UNC13D: variants seen among roughly 807,000 people sequenced by gnomAD.
UNC13D encodes protein unc-13 homolog D.
UNC13D carries 115 observed loss-of-function variants against 151.7 expected under a neutral mutation model. The ratio of observed to expected loss-of-function variants is 0.76; its 90% CI spans 0.65 to 0.88. The LOEUF is 0.88. UNC13D is among the 40% of genes least tolerant of loss of function. The pLI is 0.00. For missense variants in UNC13D, 1,369 were observed against 1,438.7 expected (o/e 0.95, Z 0.78); for synonymous variants, 588 against 612.2 (o/e 0.96, Z 0.58).
chr17:75,834,553 T>A (rs1159363440), intron 22 of UNC13D, 22 bp from the exon 23 acceptor site: 10 of 1,607,134 alleles, frequency 6.2e-6, no homozygotes, highest in Non-Finnish European at 8.5e-6. Context: ...ATGCAGAGCT[T>A]CCTGAACTGT....
intron 5 of UNC13D, 117 bp downstream of exon 5, chr17:75,842,740 G>T: frequency 3.2e-6 from 5 of 1,587,022 alleles, no homozygotes; most frequent in Non-Finnish European, 4.3e-6. Context: ...AGCATGGGGG[G>T]CCAGCGCTAC....
chr17:75,831,725 G>A, intron 25 of UNC13D: 1 of 264,354 alleles, frequency 3.8e-6, no homozygotes, highest in Non-Finnish European at 7.5e-6. Flanking sequence ...CACTTTGGGA[G>A]GTCGAGGTGG....
chr17:75,842,784 G>C, intron 5 of UNC13D, 73 bp downstream of exon 5: 2 of 1,603,880 alleles, frequency 1.2e-6, no homozygotes, highest in Non-Finnish European at 1.7e-6. Flanking sequence ...CCCGCCAAGA[G>C]TCCTGGGCCA....
chr17:75,841,830 C>T (rs1356897300), intron 6 of UNC13D, among the ~76,000 whole-genome samples: 1 of 150,750 alleles, frequency 6.6e-6, no homozygotes, highest in Non-Finnish European at 1.5e-5. Context: ...CTCACTGCAA[C>T]CTCCGCCTCC....
At position 75,840,444 on chromosome 17, in the gene UNC13D, C is replaced by T; in HGVS notation, c.753+63G>A. 2 of 1,611,490 alleles carry T rather than the reference C, an allele frequency of 1.2e-6. No individual in the cohort carries two copies. Among genetic ancestry groups the T allele is most frequent in the Admixed American group, 3.3e-5 (2 of 59,996 alleles). On this transcript the variant is annotated intron_variant, in intron 9 of 31. Coordinates refer to ENST00000207549, the MANE Select transcript of UNC13D (RefSeq NM_199242.3). The surrounding 1 kb of genome is among the most constrained non-coding windows in gnomAD (Gnocchi z 4.6). Reference sequence around the variant, plus strand: ...TTTGTGAGGACACAGAGCCTCTCCCCAGAACCCCTCCCAACCCCCTCCCTC... The same window carrying T: ...TTTGTGAGGACACAGAGCCTCTCCCTAGAACCCCTCCCAACCCCCTCCCTC...
In UNC13D at chr17:75,839,879, C is replaced by A; in HGVS notation, c.1015G>T (p.Ala339Ser). The change falls in exon 12 of 32, where the codon GCC becomes TCC. Residue 339 changes from alanine (A) to serine (S), a missense_variant. Coordinates refer to ENST00000207549, the MANE Select transcript of UNC13D (RefSeq NM_199242.3). ...AAGTCGGATAGGTCCTTCTGTGTGG[C>A]GTGCAGAAAGAGGACGGTGGCAGCC... ...PQAATVLFLH[A>S]TQKDLSDFHQ... 3 of 1,613,908 alleles carry A rather than the reference C, an allele frequency of 1.9e-6. No individual in the cohort carries two copies. The highest frequency in any genetic ancestry group is 2.5e-6 in the Non-Finnish European group (3 of 1,180,008).
At position 75,832,910 on chromosome 17, in the gene UNC13D, C is replaced by T. The variant is rs988603711; in HGVS notation, c.2447+56G>A. The T allele has an allele frequency of 7.9e-6, 12 of 1,512,612 alleles. No homozygotes were observed. The highest frequency in any genetic ancestry group is 1.1e-5 in the Non-Finnish European group (12 of 1,112,630). The allele number at this position is 1,512,612 out of a possible 1,614,324, so 93.7% of individuals were successfully genotyped here. ...GATGCTGGGGCCCAGGAAGGAGGGG[C>T]CGTGGGAGGAGAGGGGGAGGTGGCG... On this transcript the variant is annotated intron_variant, in intron 25 of 31. Coordinates refer to ENST00000207549, the MANE Select transcript of UNC13D (RefSeq NM_199242.3). This position sits in a 1 kb window ranked among gnomAD's most constrained non-coding sequence, Gnocchi z 4.3.
rs777308467 is a variant in UNC13D at position 75,840,359 on chromosome 17, C to T, written c.754-30G>A. On this transcript the variant is annotated intron_variant, in intron 9 of 31. Coordinates refer to ENST00000207549, the MANE Select transcript of UNC13D (RefSeq NM_199242.3). The surrounding 1 kb of genome is among the most constrained non-coding windows in gnomAD (Gnocchi z 4.6). ...CAGGCGGGGATGCCCAGCCCGTGAGCGTCAGAACCTCATAGAGTCGGGGCA... is the reference window on the plus strand; with the variant it reads ...CAGGCGGGGATGCCCAGCCCGTGAGTGTCAGAACCTCATAGAGTCGGGGCA... 3.7e-6 allele frequency: 6 copies of T among 1,611,002 alleles called. No individual in the cohort carries two copies. Among genetic ancestry groups the T allele is most frequent in the East Asian group, 4.5e-5 (2 of 44,850 alleles).
rs1241471619 is a variant in UNC13D at position 75,831,086 on chromosome 17, C to T, written c.2625+12G>A. On this transcript the variant is annotated intron_variant, in intron 27 of 31. Coordinates refer to ENST00000207549, the MANE Select transcript of UNC13D (RefSeq NM_199242.3). ...CAGACTTCCTACGGGGAAGCTCACC[C>T]AAAGCCCCTACCTGGAAGGTGGCAG... is the stretch of plus-strand genomic sequence containing the variant. 6.2e-7 allele frequency: 1 copy of T among 1,613,768 alleles called. No individual in the cohort carries two copies. Among genetic ancestry groups the T allele is most frequent in the Non-Finnish European group, 8.5e-7 (1 of 1,180,020 alleles).
At chr17:75,836,163 C>T (rs376523516) in intron 16 of UNC13D, 37 bp downstream of exon 16, 46 of 1,611,460 alleles carry the variant, frequency 2.9e-5, no homozygotes, top group African/African-American at 9.3e-5. Flanking sequence ...CACCACCCCC[C>T]GTGACCCCCT....
chr17:75,842,682 C>T lies in UNC13D; in HGVS notation c.389-69G>A, dbSNP rs2064957740. 39 of 1,606,662 alleles carry T rather than the reference C, an allele frequency of 2.4e-5. No individual in the cohort carries two copies. In the South Asian group the frequency reaches 3.1e-4, roughly 13 times the overall value. ...GGTCCCTGGGAGAGGCCCTCATCAC[C>T]CCCGCCCGGGGCTGAGCCTCCTCCG... is the stretch of plus-strand genomic sequence containing the variant. On this transcript the variant is annotated intron_variant, in intron 5 of 31. Coordinates refer to ENST00000207549, the MANE Select transcript of UNC13D (RefSeq NM_199242.3).
At position 75,828,945 on chromosome 17, in the gene UNC13D, C is replaced by A. The variant is rs1567816087; in HGVS notation, c.2993G>T (p.Cys998Phe). ...GTAGTCCAGCACGGTGAGCAGGAGG[C>A]ATGCCCCAGCCTTGCGGCACGGCTC... is the stretch of plus-strand genomic sequence containing the variant. Reference protein sequence around the residue: ...PAEPCRKAGACLLLTVLDYDT... With the variant: ...PAEPCRKAGAFLLLTVLDYDT... Residue 998 changes from cysteine to phenylalanine, a missense_variant, in exon 31 of 32, where the codon TGC (cysteine) becomes TTC (phenylalanine). Coordinates refer to ENST00000207549, the MANE Select transcript of UNC13D (RefSeq NM_199242.3). 6.2e-7 allele frequency: 1 copy of A among 1,605,918 alleles called. No homozygotes were observed. Among genetic ancestry groups the A allele is most frequent in the Non-Finnish European group, 8.5e-7 (1 of 1,179,652 alleles).
rs1047820037 is a variant in UNC13D at position 75,840,021 on chromosome 17, G to A, written c.948C>T (p.His316=). 30 of 1,613,460 alleles carry A rather than the reference G, an allele frequency of 1.9e-5. No individual in the cohort carries two copies. The highest frequency in any genetic ancestry group is 3.3e-5 in the Admixed American group (2 of 59,992). The change falls in exon 11 of 32, where the codon CAC becomes CAT. Residue 316 remains histidine (H), a synonymous_variant. Coordinates refer to ENST00000207549, the MANE Select transcript of UNC13D (RefSeq NM_199242.3). This position sits in a 1 kb window ranked among gnomAD's most constrained non-coding sequence, Gnocchi z 4.6. ...QQLVSHEVTQ[H]EAGSTSWDGS... is the part of the protein sequence containing the mutation. ...CCCAGCCCCAGGAGGGCAATACCTC[G>A]TGCTGGGTGACCTCGTGGGACACAA...
intron 30 of UNC13D, chr17:75,829,736 A>G (rs929253092): frequency 7.8e-6 from 3 of 382,676 alleles, no homozygotes; most frequent in Non-Finnish European, 1.5e-5. Context: ...GAGTACAGGT[A>G]CCCACCATCA....
chr17:75,830,145 C>T lies in UNC13D; in HGVS notation c.2837G>A (p.Ser946Asn), dbSNP rs1357879329. The T allele has an allele frequency of 1.5e-5, 24 of 1,589,788 alleles. No homozygotes were observed. Among genetic ancestry groups the T allele is most frequent in the Non-Finnish European group, 2.0e-5 (23 of 1,168,738 alleles). Residue 946 changes from serine to asparagine, a missense_variant, in exon 30 of 32, where the codon AGC becomes AAC. Transcript: ENST00000207549. Reference protein sequence around the residue: ...SLLPLDSNGSSDPFVQLTLEP... With the variant: ...SLLPLDSNGSNDPFVQLTLEP... ...CAAGGTCAGCTGGACAAAGGGGTCGCTGGAGCCTGGTAAGTGGCCGGGGAG... is the reference window on the plus strand; with the variant it reads ...CAAGGTCAGCTGGACAAAGGGGTCGTTGGAGCCTGGTAAGTGGCCGGGGAG...
chr17:75,827,624 A>G lies in UNC13D; in HGVS notation c.*341T>C. The G allele has an allele frequency of 6.5e-7, 1 of 1,535,390 alleles. No individual in the cohort carries two copies. The highest frequency in any genetic ancestry group is 8.7e-7 in the Non-Finnish European group (1 of 1,146,702). On this transcript the variant is annotated 3_prime_UTR_variant, in exon 32 of 32. Transcript: ENST00000207549. ...CTGGAACAGGAAGGCCAGGAGGCAG[A>G]TGGGCCAGGGCCAGGAGACAGATGG...
intron 1 of UNC13D, chr17:75,843,931 G>C: frequency 7.2e-7 from 1 of 1,385,018 alleles, no homozygotes; most frequent in Non-Finnish European, 9.4e-7. Flanking sequence ...CCACCTAATG[G>C]AGTCGGCTCT....
intron 30 of UNC13D, 75 bp downstream of exon 30, chr17:75,829,953 A>G: frequency 6.4e-7 from 1 of 1,551,154 alleles, no homozygotes; most frequent in Non-Finnish European, 8.7e-7. Flanking sequence ...GGCCCCAGCC[A>G]GGAGGAGCAG....
rs2064959151 is a variant in UNC13D at position 75,842,918 on chromosome 17, T to C, written c.327A>G (p.Pro109=). The change falls in exon 5 of 32, where the codon CCA becomes CCG. Residue 109 remains proline (P), a synonymous_variant. Coordinates refer to ENST00000207549, the MANE Select transcript of UNC13D (RefSeq NM_199242.3). The stretch of plus-strand genomic sequence containing the variant: ...TCACTGTTGCCTTCAGACAAAATAT[T>C]GGCTTCTGGAGGGACAGGAGGGATG... ...TLQRVRELEK[P]IFCLKATVKQ... 2 of 1,613,464 alleles carry C rather than the reference T, an allele frequency of 1.2e-6. No individual in the cohort carries two copies. The highest frequency in any genetic ancestry group is 2.2e-5 in the South Asian group (2 of 91,078).
Sources: gnomAD v4.1 joint callset for allele counts (sites outside exome capture counted in the v4.1 genomes callset) on GRCh38, gnomAD v4.1.1 for gene constraint, Gnocchi (gnomAD v3.1) non-coding constraint, MANE v1.5 for transcripts, NCBI Gene and HGNC (gene_info 2026-07-23, HGNC 2026-07-21) for gene names.